The following ACOT11 variants were observed in gnomAD, a reference collection of about 807,000 sequenced individuals.
The protein encoded by ACOT11 is acyl-CoA thioesterase 11.
ACOT11 carries 69 observed loss-of-function variants against 77.5 expected under a neutral mutation model. The observed-to-expected ratio is 0.89, with a 90% confidence interval of 0.73 to 1.09. The LOEUF (loss-of-function observed/expected upper bound fraction) is 1.09, where lower values mean the gene tolerates loss of function less well. ACOT11 is among the 50% of genes least tolerant of loss of function. The pLI, the probability that ACOT11 is intolerant of heterozygous loss-of-function variation, is 0.00. For synonymous variants in ACOT11, 279 were observed against 313.0 expected, an observed-to-expected ratio of 0.89 and a Z score of 1.15; for missense variants, 766 against 813.7, an observed-to-expected ratio of 0.94 and a Z score of 0.71.
At chr1:54,582,547 C>T (rs1654348408) in intron 1 of ACOT11, 2 of 984,774 alleles carry the variant, frequency 2.0e-6, no homozygotes, top group South Asian at 4.7e-5. Context: ...GTAGGGACTC[C>T]TGATTCACAG....
intron 13 of ACOT11, among the ~76,000 whole-genome samples, chr1:54,605,433 T>A (rs1199641948): frequency 2.6e-5 from 4 of 152,214 alleles, no homozygotes; most frequent in Non-Finnish European, 5.9e-5. Flanking sequence ...AAGTCCTGCT[T>A]CTGTCCCAAC....
At chr1:54,622,521 T>A (rs990329828) in intron 15 of ACOT11, among the ~76,000 whole-genome samples, 3 of 151,360 alleles carry the variant, frequency 2.0e-5, no homozygotes, top group Admixed American at 2.0e-4. Flanking sequence ...GAGGTTGCAG[T>A]GAGCCAAGAT....
intron 3 of ACOT11, among the ~76,000 whole-genome samples, chr1:54,586,162 G>C (rs572044385): frequency 3.1e-4 from 47 of 152,304 alleles, no homozygotes; most frequent in African/African-American, 1.1e-3. Context: ...AGATAGCATA[G>C]TGGGGTGCTG....
downstream of ACOT11, among the ~76,000 whole-genome samples, chr1:54,611,934 G>A (rs1264898300): frequency 6.6e-6 from 1 of 152,090 alleles, no homozygotes; most frequent in East Asian, 1.9e-4. Context: ...CAGGAAAGAT[G>A]ACTGAAAGCA....
intron 15 of ACOT11, chr1:54,619,921 C>T: frequency 5.0e-6 from 8 of 1,614,150 alleles, no homozygotes; most frequent in Non-Finnish European, 6.8e-6. Context: ...CAGGTGACCT[C>T]CAAGGCATCT....
At chr1:54,615,973 G>T (rs767482184) in intron 15 of ACOT11, 28 of 1,597,478 alleles carry the variant, frequency 1.8e-5, no homozygotes, top group Non-Finnish European at 2.2e-5. Context: ...TGCTGCCCCA[G>T]GGCCAGAGGG....
Position 54,609,094 on chromosome 1 carries a change from C to CA in ACOT11, c.1768dup (p.Ser590LysfsTer75). The CA allele has an allele frequency of 6.2e-7, 1 of 1,614,160 alleles. No homozygotes were observed. Among genetic ancestry groups the CA allele is most frequent in the Non-Finnish European group, 8.5e-7 (1 of 1,180,022 alleles). On this transcript the variant is annotated frameshift_variant, in exon 16 of 16. Coordinates refer to ENST00000343744, the MANE Select transcript of ACOT11 (RefSeq NM_147161.4). LOFTEE classifies it high-confidence loss of function. ...TGGACAACCGGAATGATCTGGCCCC[C>CA]AGCCTCCAGACCCTCTAGATGCCCT...
intron 1 of ACOT11, among the ~76,000 whole-genome samples, chr1:54,574,775 C>G (rs1017601607): frequency 1.3e-5 from 2 of 152,206 alleles, no homozygotes; most frequent in Non-Finnish European, 2.9e-5. Context: ...TTCCACATTT[C>G]TGTTTCCCAA....
intron 5 of ACOT11, 107 bp from the exon 6 acceptor site, chr1:54,594,449 G>A (rs1654823930): frequency 1.2e-5 from 17 of 1,414,668 alleles, no homozygotes; most frequent in South Asian, 1.4e-5. Context: ...AGCAGCCCAC[G>A]CCTGCTGTGT....
chr1:54,580,036 G>A (rs1431958253), intron 1 of ACOT11, among the ~76,000 whole-genome samples: 1 of 152,202 alleles, frequency 6.6e-6, no homozygotes, highest in Non-Finnish European at 1.5e-5. Context: ...TGTGTGCCAG[G>A]AGCTTCATAT....
intron 1 of ACOT11, among the ~76,000 whole-genome samples, chr1:54,575,945 G>T (rs1256796274): frequency 1.3e-5 from 2 of 152,224 alleles, no homozygotes; most frequent in African/African-American, 4.8e-5. Flanking sequence ...CATGTCTGTT[G>T]TGTGTGCAGT....
At chr1:54,627,487 G>A (rs1421988096) in intron 15 of ACOT11, among the ~76,000 whole-genome samples, 2 of 135,514 alleles carry the variant, frequency 1.5e-5, no homozygotes, top group African/African-American at 5.0e-5. Flanking sequence ...ACAAGTTACT[G>A]AGCATGCATT....
At chr1:54,548,455 G>T (rs528580616) in intron 1 of ACOT11, 113 bp downstream of exon 1, 2 of 1,316,972 alleles carry the variant, frequency 1.5e-6, no homozygotes, top group Non-Finnish European at 2.1e-6. Context: ...CTCTCCACGG[G>T]CCATTTTCTA....
At chr1:54,635,380 G>T in exon 17 of ACOT11, 1 of 299,404 alleles carries the variant, frequency 3.3e-6, no homozygotes, top group Non-Finnish European at 6.3e-6. Context: ...AACCATGGCG[G>T]TATAGTGGCA....
rs750365673 is a variant in ACOT11 at position 54,604,351 on chromosome 1, C to T, written c.1158C>T (p.Tyr386=). The change falls in exon 12 of 16, where the codon TAC becomes TAT. Residue 386 remains tyrosine (Y), a synonymous_variant. Coordinates refer to ENST00000343744, the MANE Select transcript of ACOT11 (RefSeq NM_147161.4). Reference sequence around the variant, plus strand: ...GCACCTGTGTACTCTTTCAGGTGTACCTGAGCTACAATAACGTCTCCTCCT... The same window carrying T: ...GCACCTGTGTACTCTTTCAGGTGTATCTGAGCTACAATAACGTCTCCTCCT... ...SVPWDPSNQV[Y]LSYNNVSSLK... 1 of 1,613,906 alleles carries T rather than the reference C, an allele frequency of 6.2e-7. No individual in the cohort carries two copies. The highest frequency in any genetic ancestry group is 2.2e-5 in the East Asian group (1 of 44,858).
In ACOT11 at chr1:54,607,047, C is replaced by T; in HGVS notation, c.1371-87C>T. On this transcript the variant is annotated intron_variant, in intron 13 of 15. Transcript: ENST00000343744. The surrounding 1 kb of genome is among the most constrained non-coding windows in gnomAD (Gnocchi z 4.5). ...TCCCATCACAGAAGCTGCTCAGGCA[C>T]TGCAGTGTGGCAGGGCCCGGGCAGA... is the stretch of plus-strand genomic sequence containing the variant. 12 of 1,565,644 alleles carry T rather than the reference C, an allele frequency of 7.7e-6. No individual in the cohort carries two copies. Among genetic ancestry groups the T allele is most frequent in the Non-Finnish European group, 1.0e-5 (12 of 1,151,552 alleles).
At chr1:54,562,997 G>C (rs1419533459) in intron 1 of ACOT11, among the ~76,000 whole-genome samples, 1 of 147,658 alleles carries the variant, frequency 6.8e-6, no homozygotes, top group Non-Finnish European at 1.5e-5. Flanking sequence ...TCACTTCCCA[G>C]ACGGGGTGGC....
chr1:54,604,254 GC>G, intron 11 of ACOT11, 91 bp from the exon 12 acceptor site: 1 of 1,220,346 alleles, frequency 8.2e-7, no homozygotes, highest in Non-Finnish European at 1.2e-6. Flanking sequence ...CCCATTCCTG[GC>G]CCAGGTTCCT....
chr1:54,616,129 G>C, intron 15 of ACOT11: 1 of 1,614,142 alleles, frequency 6.2e-7, no homozygotes, highest in Non-Finnish European at 8.5e-7. Context: ...TGGCTGTGCC[G>C]AGCCCTTCTA....
Sources: gnomAD v4.1 joint callset for allele counts (sites outside exome capture counted in the v4.1 genomes callset) on GRCh38, gnomAD v4.1.1 for gene constraint, Gnocchi (gnomAD v3.1) non-coding constraint, MANE v1.5 for transcripts, NCBI Gene and HGNC (gene_info 2026-07-23, HGNC 2026-07-21) for gene names.